The following CCDC12 variants were observed in gnomAD, a reference collection of about 807,000 sequenced individuals.
CCDC12 encodes coiled-coil domain-containing protein 12.
Under a neutral mutation model 25.7 loss-of-function variants are expected in CCDC12, and 28 were observed. That is an observed-to-expected ratio of 1.09 (90% CI 0.81 to 1.50). The LOEUF is 1.50. CCDC12 is among the 40% of genes most tolerant of loss of function. The pLI, the probability that CCDC12 is intolerant of heterozygous loss-of-function variation, is 0.00. For missense variants in CCDC12, 198 were observed against 210.0 expected, an observed-to-expected ratio of 0.94 and a Z score of 0.35; for synonymous variants, 75 against 87.7, an observed-to-expected ratio of 0.86 and a Z score of 0.81.
intron 1 of CCDC12, among the ~76,000 whole-genome samples, chr3:46,972,782 A>AAG (rs2034843478): frequency 6.7e-6 from 1 of 148,706 alleles, no homozygotes; most frequent in African/African-American, 2.6e-5. Context: ...TTAAAAAAAA[A>AAG]AAAAGAAAGA....
intron 1 of CCDC12, among the ~76,000 whole-genome samples, chr3:46,971,035 G>C (rs1395731169): frequency 6.6e-6 from 1 of 152,178 alleles, no homozygotes; most frequent in Non-Finnish European, 1.5e-5. Flanking sequence ...CCCTGCCCCT[G>C]TATCACTGCC....
At chr3:46,927,049 T>C (rs977182317) in intron 2 of CCDC12, among the ~76,000 whole-genome samples, 1 of 152,222 alleles carries the variant, frequency 6.6e-6, no homozygotes, top group African/African-American at 2.4e-5. Context: ...CTCCACCTGC[T>C]TCCTGCCCCC....
At chr3:46,928,694 G>C (rs1426887412) in intron 2 of CCDC12, among the ~76,000 whole-genome samples, 14 of 152,198 alleles carry the variant, frequency 9.2e-5, no homozygotes, top group Admixed American at 7.9e-4. Context: ...GCCTTCAAGA[G>C]AAAGACTTTT....
intron 1 of CCDC12, among the ~76,000 whole-genome samples, chr3:46,973,471 G>A (rs1394117290): frequency 1.3e-5 from 2 of 150,470 alleles, no homozygotes; most frequent in Non-Finnish European, 3.0e-5. Context: ...TTCCAGCCTG[G>A]GCAACAAGAG....
At chr3:46,962,913 G>A (rs1273659986) in intron 1 of CCDC12, among the ~76,000 whole-genome samples, 1 of 152,184 alleles carries the variant, frequency 6.6e-6, no homozygotes, top group Non-Finnish European at 1.5e-5. Flanking sequence ...ACAAGACTGG[G>A]AAGAGCAGCA....
chr3:46,948,345 C>A (rs144275493), intron 1 of CCDC12, among the ~76,000 whole-genome samples: 2,134 of 152,258 alleles, frequency 0.014, 32 homozygotes, highest in Non-Finnish European at 0.019. Context: ...AAGCGCTGAG[C>A]GGGAGGCTGG....
At chr3:46,943,580 T>G (rs2033797449) in intron 1 of CCDC12, among the ~76,000 whole-genome samples, 1 of 152,210 alleles carries the variant, frequency 6.6e-6, no homozygotes. Context: ...GTCCAGCCTT[T>G]GGGAGGAGTG....
chr3:46,969,740 G>A lies in CCDC12; in HGVS notation c.96+6897C>T, dbSNP rs149314492. Among the ~76,000 whole-genome samples the A allele has an allele frequency of 1.9e-3, 292 of 152,252 alleles. 4 individuals carry two copies. The highest frequency in any genetic ancestry group is 6.7e-3 in the African/African-American group (280 of 41,538). ...CATCTGGGTTTCCACTTGCCCCTTA[G>A]CGCTCAACAACTGGAGCTCAGGTAG... On this transcript the variant is annotated intron_variant, in intron 1 of 6. Transcript: ENST00000683445.
intron 1 of CCDC12, among the ~76,000 whole-genome samples, chr3:46,964,538 A>G (rs1314381160): frequency 2.0e-5 from 3 of 152,236 alleles, no homozygotes; most frequent in African/African-American, 7.2e-5. Flanking sequence ...AAGATTGAGA[A>G]ATCGGATGGT....
At chr3:46,952,612 T>C (rs1190815183) in intron 1 of CCDC12, among the ~76,000 whole-genome samples, 2 of 152,196 alleles carry the variant, frequency 1.3e-5, no homozygotes, top group Non-Finnish European at 2.9e-5. Context: ...TGGAAGATTT[T>C]CCATTAGAAG....
chr3:46,937,095 A>T (rs371798914), intron 2 of CCDC12, among the ~76,000 whole-genome samples: 58 of 152,290 alleles, frequency 3.8e-4, no homozygotes, highest in African/African-American at 1.3e-3. Context: ...TTGGTCTCAG[A>T]TGCAGATCTG....
At chr3:46,932,521 T>C (rs920302468) in intron 2 of CCDC12, among the ~76,000 whole-genome samples, 4 of 152,112 alleles carry the variant, frequency 2.6e-5, no homozygotes, top group African/African-American at 9.7e-5. Context: ...GAAGAACGGG[T>C]ACAGTGTAAG....
At chr3:46,937,887 G>C (rs1219658571) in intron 2 of CCDC12, among the ~76,000 whole-genome samples, 1 of 152,198 alleles carries the variant, frequency 6.6e-6, no homozygotes, top group Non-Finnish European at 1.5e-5. Flanking sequence ...GTTAAAGTCA[G>C]AAGAGTCTGC....
At chr3:46,976,916 C>G (rs1575569913), upstream of CCDC12, 3 of 987,700 alleles carry the variant, frequency 3.0e-6, no homozygotes. Flanking sequence ...CCGCCCCGCC[C>G]TTATTCTTCC....
At chr3:46,981,070 G>A (rs1486901216), upstream of CCDC12, among the ~76,000 whole-genome samples, 1 of 152,234 alleles carries the variant, frequency 6.6e-6, no homozygotes, top group Non-Finnish European at 1.5e-5. Context: ...CCAGCAGGAG[G>A]CCAGGCATGG....
intron 1 of CCDC12, among the ~76,000 whole-genome samples, chr3:46,968,493 C>T (rs2107196070): frequency 6.6e-6 from 1 of 152,310 alleles, no homozygotes; most frequent in Non-Finnish European, 1.5e-5. Flanking sequence ...GAGCTAGACA[C>T]TTCATAGACA....
At chr3:46,930,238 TC>T (rs2033153209) in intron 2 of CCDC12, among the ~76,000 whole-genome samples, 1 of 152,036 alleles carries the variant, frequency 6.6e-6, no homozygotes, top group Middle Eastern at 3.2e-3. Flanking sequence ...TCAGTATTCT[TC>T]CTACACAGAA....
intron 5 of CCDC12, 62 bp downstream of exon 5, chr3:46,923,267 C>T: frequency 7.0e-7 from 1 of 1,434,816 alleles, no homozygotes; most frequent in Non-Finnish European, 9.2e-7. Flanking sequence ...AAGCCCCAGG[C>T]CCATGCTGGC....
At chr3:46,930,974 T>C (rs1382714140) in intron 2 of CCDC12, among the ~76,000 whole-genome samples, 3 of 152,174 alleles carry the variant, frequency 2.0e-5, no homozygotes, top group African/African-American at 7.2e-5. Flanking sequence ...TCAGCATACA[T>C]TGCCTCAAGC....
Sources: gnomAD v4.1 joint callset for allele counts (sites outside exome capture counted in the v4.1 genomes callset) on GRCh38, gnomAD v4.1.1 for gene constraint, MANE v1.5 for transcripts, NCBI Gene and HGNC (gene_info 2026-07-23, HGNC 2026-07-21) for gene names.